Variants in IMMP2L observed in about 807,000 individuals in gnomAD.
IMMP2L encodes inner mitochondrial membrane peptidase subunit 2, also known as mitochondrial inner membrane protease subunit 2.
Under a neutral mutation model 19.3 loss-of-function variants are expected in IMMP2L, and 18 were observed. The ratio of observed to expected loss-of-function variants is 0.93; its 90% confidence interval spans 0.64 to 1.38. IMMP2L has a LOEUF of 1.38. Among genes scored for constraint, IMMP2L ranks in the 40% most tolerant of loss-of-function variants. IMMP2L has a pLI of 0.00. For missense variants in IMMP2L, 233 were observed against 218.2 expected (o/e 1.07, Z -0.43); for synonymous variants, 76 against 73.0 (o/e 1.04, Z -0.21).
intron 5 of IMMP2L, among the ~76,000 whole-genome samples, chr7:110,731,904 A>G (rs969831093): frequency 2.6e-5 from 4 of 152,232 alleles, no homozygotes; most frequent in Non-Finnish European, 4.4e-5. Flanking sequence ...CAAAAAAAGT[A>G]GTCTCTTTGT....
At chr7:111,280,591 G>A (rs1008928137) in intron 3 of IMMP2L, among the ~76,000 whole-genome samples, 18 of 151,998 alleles carry the variant, frequency 1.2e-4, no homozygotes, top group Non-Finnish European at 2.5e-4. Flanking sequence ...TTAGTGGCAA[G>A]CAAAAAAAGG....
chr7:110,667,880 C>T (rs1791572338), intron 5 of IMMP2L, among the ~76,000 whole-genome samples: 1 of 152,202 alleles, frequency 6.6e-6, no homozygotes. Context: ...TTCCCATCTT[C>T]CACCCCATCC....
chr7:111,019,278 C>T (rs1459786329), intron 3 of IMMP2L, among the ~76,000 whole-genome samples: 1 of 152,188 alleles, frequency 6.6e-6, no homozygotes. Context: ...GCTGCCTTTG[C>T]TCCAGTGTTC....
chr7:111,418,943 A>G (rs1361908949), intron 3 of IMMP2L, among the ~76,000 whole-genome samples: 1 of 151,828 alleles, frequency 6.6e-6, no homozygotes, highest in African/African-American at 2.4e-5. Context: ...ATATTTCATT[A>G]AGCCATCCTT....
Position 110,826,323 on chromosome 7 carries a change from T to C in IMMP2L, c.408+60270A>G, listed in dbSNP as rs150413391. Among the ~76,000 whole-genome samples, 1,068 of 152,238 alleles carry C rather than the reference T, an allele frequency of 7.0e-3. 7 individuals are homozygous for C. Among genetic ancestry groups the C allele is most frequent in the Non-Finnish European group, 0.011 (748 of 68,006 alleles). On this transcript the variant is annotated intron_variant, in intron 5 of 5. Transcript: ENST00000405709. ...AACTAGAAATACCATTTGACCCAGC[T>C]ATCCCATTACCGGGTATATACCCAA...
intron 5 of IMMP2L, 66 bp downstream of exon 5, chr7:110,886,527 C>CT: frequency 1.2e-6 from 1 of 862,374 alleles, no homozygotes; most frequent in Non-Finnish European, 2.0e-6. Context: ...AATAACCTAT[C>CT]TGACATAGTT....
At chr7:111,522,208 T>G (rs1232288132) in intron 1 of IMMP2L, among the ~76,000 whole-genome samples, 1 of 152,076 alleles carries the variant, frequency 6.6e-6, no homozygotes, top group Admixed American at 6.6e-5. Context: ...TTGTCGTTGT[T>G]GTTTTTAGAC....
chr7:110,894,287 A>T (rs1218451386), intron 4 of IMMP2L, among the ~76,000 whole-genome samples: 2 of 152,166 alleles, frequency 1.3e-5, no homozygotes, highest in East Asian at 3.8e-4. Context: ...TGTTAATTAG[A>T]TACTGCAAGG....
At chr7:111,006,003 T>TA (rs1824246787) in intron 3 of IMMP2L, among the ~76,000 whole-genome samples, 1 of 151,538 alleles carries the variant, frequency 6.6e-6, no homozygotes, top group Non-Finnish European at 1.5e-5. Flanking sequence ...TGGTCAAGAG[T>TA]AACTAGCTAC....
rs1170676763 is a variant in IMMP2L at position 111,539,240 on chromosome 7, AAGAAAGAAAG to A, written c.-2-17801_-2-17792del. Among the ~76,000 whole-genome samples, 127 of 128,446 alleles carry A rather than the reference AAGAAAGAAAG, an allele frequency of 9.9e-4. 1 individual carries two copies. The Middle Eastern group carries it at 0.012, about 12-fold the overall frequency. The allele number at this position is 128,446 out of a possible 152,430, so 84.3% of individuals were successfully genotyped here. ...AAAGAAAGAAAGAAAGAAAGAAAGA[AAGAAAGAAAG>A]AAAGAAAGAAAGAAAGAAAGAGAAC... On this transcript the variant is annotated intron_variant, in intron 1 of 5. Coordinates refer to ENST00000405709, the MANE Select transcript of IMMP2L (RefSeq NM_032549.4).
intron 3 of IMMP2L, among the ~76,000 whole-genome samples, chr7:111,225,707 A>AC (rs1255800399): frequency 6.6e-6 from 1 of 151,734 alleles, no homozygotes; most frequent in Non-Finnish European, 1.5e-5. Flanking sequence ...AAAAAAAAAA[A>AC]AAGAATGGGT....
rs922533173 is a variant in IMMP2L, at chr7:111,141,993, T to C, written c.240-178428A>G. Among the ~76,000 whole-genome samples the C allele has an allele frequency of 6.4e-4, 97 of 152,294 alleles. 1 individual carries two copies. Among genetic ancestry groups the C allele is most frequent in the Middle Eastern group, 3.4e-3 (1 of 292 alleles). ...TGCTAGGATTGCAGGCATGAGCCAC[T>C]GTGCCTAAAGATCAGTATTCAATTT... is the stretch of plus-strand genomic sequence containing the variant. On this transcript the variant is annotated intron_variant, in intron 3 of 5. Transcript: ENST00000405709.
chr7:110,805,501 T>A (rs1801570431), intron 5 of IMMP2L, among the ~76,000 whole-genome samples: 1 of 152,094 alleles, frequency 6.6e-6, no homozygotes, highest in Non-Finnish European at 1.5e-5. Context: ...TTTGCACCTA[T>A]CTTTAAATAC....
chr7:111,167,989 A>G (rs1454840652), intron 3 of IMMP2L, among the ~76,000 whole-genome samples: 3 of 151,860 alleles, frequency 2.0e-5, no homozygotes, highest in Non-Finnish European at 4.4e-5. Context: ...TGTTGTTTTT[A>G]CACTTGAAAG....
At position 111,033,749 on chromosome 7, in the gene IMMP2L, A is replaced by G. The variant is rs556172414; in HGVS notation, c.240-70184T>C. On this transcript the variant is annotated intron_variant, in intron 3 of 5. Transcript: ENST00000405709. ...TACTATGTAATTCCAACTATATGAC[A>G]TTCTGATATTTATGCATGAGACATG... Among the ~76,000 whole-genome samples, 6 of 152,354 alleles carry G rather than the reference A, an allele frequency of 3.9e-5. No individual in the cohort carries two copies. In the South Asian group the frequency reaches 1.2e-3, roughly 32 times the overall value.
Position 111,250,344 on chromosome 7 carries a change from GA to G in IMMP2L, c.239+236893del, listed in dbSNP as rs1317741286. Among the ~76,000 whole-genome samples, 3 of 152,128 alleles carry G rather than the reference GA, an allele frequency of 2.0e-5. No individual in the cohort carries two copies. In the East Asian group the frequency reaches 5.8e-4, roughly 29 times the overall value. The stretch of plus-strand genomic sequence containing the variant: ...GCCATACTCCCCAAAGTAATTTATA[GA>G]TTCAATGTTGTTCCCACTAAACGAC... On this transcript the variant is annotated intron_variant, in intron 3 of 5. Coordinates refer to ENST00000405709, the MANE Select transcript of IMMP2L (RefSeq NM_032549.4).
intron 3 of IMMP2L, chr7:111,122,622 T>G (rs1800786091): frequency 1.6e-6 from 1 of 629,464 alleles, no homozygotes. Flanking sequence ...GCACTGGCAC[T>G]TATTTCAGTG....
At chr7:111,313,123 CA>C (rs749368099) in intron 3 of IMMP2L, among the ~76,000 whole-genome samples, 1 of 152,124 alleles carries the variant, frequency 6.6e-6, no homozygotes, top group Non-Finnish European at 1.5e-5. Flanking sequence ...TACTGTCCAG[CA>C]GCAGGAGTAC....
At chr7:111,504,930 A>G (rs1484984913) in intron 2 of IMMP2L, among the ~76,000 whole-genome samples, 2 of 152,000 alleles carry the variant, frequency 1.3e-5, no homozygotes, top group African/African-American at 4.8e-5. Flanking sequence ...TTCATGTCTA[A>G]AACACCAAAA....
Sources: gnomAD v4.1 joint callset for allele counts (sites outside exome capture counted in the v4.1 genomes callset) on GRCh38, gnomAD v4.1.1 for gene constraint, MANE v1.5 for transcripts, NCBI Gene and HGNC (gene_info 2026-07-23, HGNC 2026-07-21) for gene names.